Variants in CNTNAP2 observed in about 807,000 individuals in gnomAD.
The protein encoded by CNTNAP2 is contactin-associated protein-like 2.
CNTNAP2 carries 98 observed loss-of-function variants against 155.2 expected under a neutral mutation model. That is an observed-to-expected ratio of 0.63 (90% CI 0.54 to 0.75). The LOEUF (loss-of-function observed/expected upper bound fraction) is 0.75, where lower values mean the gene tolerates loss of function less well. CNTNAP2 is among the 30% of genes least tolerant of loss of function. The pLI is 0.00. For missense variants in CNTNAP2, 1,727 were observed against 1,688.1 expected (o/e 1.02, Z -0.40); for synonymous variants, 651 against 631.2 (o/e 1.03, Z -0.47).
At chr7:148,128,897 G>T (rs1245523190) in intron 16 of CNTNAP2, among the ~76,000 whole-genome samples, 1 of 152,090 alleles carries the variant, frequency 6.6e-6, no homozygotes, top group Non-Finnish European at 1.5e-5. Flanking sequence ...CCTCTCACGT[G>T]GCAGCTCCTA....
At chr7:146,562,445 A>G (rs1243068097) in intron 1 of CNTNAP2, among the ~76,000 whole-genome samples, 1 of 152,180 alleles carries the variant, frequency 6.6e-6, no homozygotes, top group Non-Finnish European at 1.5e-5. Flanking sequence ...GTTAATTTAC[A>G]GAATGTGTAC....
At chr7:147,455,957 A>G (rs535570483) in intron 10 of CNTNAP2, among the ~76,000 whole-genome samples, 8 of 152,294 alleles carry the variant, frequency 5.3e-5, no homozygotes, top group African/African-American at 1.9e-4. Flanking sequence ...AAAAGGCATC[A>G]GACAAAATTC....
At chr7:148,081,352 G>A (rs1803599794) in intron 15 of CNTNAP2, among the ~76,000 whole-genome samples, 2 of 152,104 alleles carry the variant, frequency 1.3e-5, no homozygotes, top group African/African-American at 4.8e-5. Context: ...TGTTGCCAAA[G>A]GAGATTAACA....
At chr7:148,332,478 T>C (rs1290882054) in intron 21 of CNTNAP2, among the ~76,000 whole-genome samples, 1 of 152,100 alleles carries the variant, frequency 6.6e-6, no homozygotes, top group East Asian at 1.9e-4. Context: ...TTGAGAAAAA[T>C]GAATTGAGCC....
rs368465623 is a variant in CNTNAP2 at position 147,700,914 on chromosome 7, G to A, written c.2098+61608G>A. Among the ~76,000 whole-genome samples the A allele has an allele frequency of 1.7e-4, 26 of 152,292 alleles. 2 individuals are homozygous for A. The highest frequency in any genetic ancestry group is 1.1e-3 in the Admixed American group (17 of 15,290). ...CAGCCCTGCCAAGGGACTCCCTGTC[G>A]TGGACTAATTCTGGAGAGTGGAACA... On this transcript the variant is annotated intron_variant, in intron 13 of 23. Coordinates refer to ENST00000361727, the MANE Select transcript of CNTNAP2 (RefSeq NM_014141.6).
chr7:146,413,528 T>C (rs942692596), intron 1 of CNTNAP2, among the ~76,000 whole-genome samples: 1 of 152,174 alleles, frequency 6.6e-6, no homozygotes, highest in African/African-American at 2.4e-5. Context: ...AGGTTGAAAA[T>C]AGCTTCAGTC....
intron 2 of CNTNAP2, among the ~76,000 whole-genome samples, chr7:146,820,794 G>A (rs548171978): frequency 1.3e-5 from 2 of 152,188 alleles, no homozygotes; most frequent in South Asian, 2.1e-4. Context: ...TTATTGTGTG[G>A]GAGTCTCAGT....
At chr7:147,494,649 G>A (rs975385273) in intron 11 of CNTNAP2, among the ~76,000 whole-genome samples, 9 of 152,134 alleles carry the variant, frequency 5.9e-5, no homozygotes, top group African/African-American at 2.2e-4. Context: ...TTTATCCAAG[G>A]TTCAGAGTGA....
At chr7:146,597,268 T>A (rs1026079696) in intron 1 of CNTNAP2, among the ~76,000 whole-genome samples, 4 of 152,026 alleles carry the variant, frequency 2.6e-5, no homozygotes, top group African/African-American at 9.7e-5. Flanking sequence ...TAAAGGTTAT[T>A]TAGTGTGCTT....
intron 8 of CNTNAP2, 127 bp downstream of exon 8, chr7:147,132,636 G>A (rs184029281): frequency 2.0e-5 from 25 of 1,275,818 alleles, no homozygotes; most frequent in Admixed American, 1.5e-4. Context: ...TCTTCAAGAC[G>A]CTTACTTGGT....
chr7:148,148,228 A>T (rs761048935), intron 17 of CNTNAP2, among the ~76,000 whole-genome samples: 1 of 152,192 alleles, frequency 6.6e-6, no homozygotes, highest in South Asian at 2.1e-4. Context: ...AGGAAAAAAG[A>T]TCAGTACAAA....
At chr7:148,296,124 T>C (rs1224391465) in intron 21 of CNTNAP2, among the ~76,000 whole-genome samples, 1 of 152,192 alleles carries the variant, frequency 6.6e-6, no homozygotes, top group Non-Finnish European at 1.5e-5. Context: ...AAACTCTCTC[T>C]TTTTAGATTG....
At chr7:147,069,799 C>T (rs1799854444) in intron 4 of CNTNAP2, among the ~76,000 whole-genome samples, 1 of 152,184 alleles carries the variant, frequency 6.6e-6, no homozygotes, top group East Asian at 1.9e-4. Flanking sequence ...AAATATTCCA[C>T]TTCTGCTTTG....
intron 3 of CNTNAP2, among the ~76,000 whole-genome samples, chr7:146,897,302 T>C (rs1001295914): frequency 2.0e-5 from 3 of 152,158 alleles, no homozygotes; most frequent in African/African-American, 7.2e-5. Flanking sequence ...CAGAAGGCAG[T>C]TGAAGTGCAA....
intron 2 of CNTNAP2, among the ~76,000 whole-genome samples, chr7:146,785,702 T>C (rs1802564229): frequency 6.6e-6 from 1 of 152,178 alleles, no homozygotes; most frequent in African/African-American, 2.4e-5. Flanking sequence ...ATAAATAAAC[T>C]AGAAATTTAA....
chr7:147,799,308 G>A (rs1303024368), intron 13 of CNTNAP2, among the ~76,000 whole-genome samples: 1 of 152,016 alleles, frequency 6.6e-6, no homozygotes, highest in Admixed American at 6.6e-5. Context: ...GGGGTAGAGG[G>A]GAAAGCACAC....
intron 8 of CNTNAP2, among the ~76,000 whole-genome samples, chr7:147,239,343 T>TA (rs577309536): frequency 1.2e-3 from 172 of 147,262 alleles, no homozygotes; most frequent in African/African-American, 1.5e-3. Context: ...CCGTCTCTAC[T>TA]AAAAAAAAAA....
At chr7:147,738,598 T>C (rs1249036988) in intron 13 of CNTNAP2, among the ~76,000 whole-genome samples, 1 of 152,214 alleles carries the variant, frequency 6.6e-6, no homozygotes, top group Admixed American at 6.5e-5. Flanking sequence ...GTACATTTTC[T>C]TGGTCATAAT....
intron 8 of CNTNAP2, among the ~76,000 whole-genome samples, chr7:147,299,901 G>A (rs765616577): frequency 3.9e-5 from 6 of 151,986 alleles, no homozygotes; most frequent in Admixed American, 2.6e-4. Flanking sequence ...AGTACACAGC[G>A]GTATTAATAC....
Sources: allele counts gnomAD v4.1 joint callset (sites outside exome capture counted in the v4.1 genomes callset), GRCh38; gene constraint gnomAD v4.1.1; transcripts MANE v1.5; gene names NCBI Gene and HGNC (gene_info 2026-07-23, HGNC 2026-07-21).